Variants in ADGRV1 observed in about 807,000 individuals in gnomAD.
ADGRV1 encodes the protein adhesion G protein-coupled receptor V1, also known as G-protein coupled receptor 98.
In ADGRV1, 359 loss-of-function variants were observed where a neutral mutation model predicts 596.2. The ratio of observed to expected loss-of-function variants is 0.60; its 90% CI spans 0.55 to 0.66. The LOEUF is 0.66. Ranked by LOEUF, ADGRV1 falls within the 30% of genes least tolerant of loss-of-function variation. The probability of loss-of-function intolerance (pLI) is 0.00; values close to 1 mark genes in which losing one functional copy is unlikely to be tolerated. For missense variants in ADGRV1, 7,274 were observed against 7,575.6 expected (o/e 0.96, Z 1.48); for synonymous variants, 2,681 against 2,679.2 (o/e 1.00, Z -0.02).
intron 73 of ADGRV1, among the ~76,000 whole-genome samples, chr5:90,808,986 G>T (rs186286818): frequency 6.9e-6 from 1 of 144,680 alleles, no homozygotes; most frequent in Non-Finnish European, 1.5e-5. Context: ...TCGCTCTTTC[G>T]CCCAGGCCGG....
intron 4 of ADGRV1, among the ~76,000 whole-genome samples, chr5:90,620,052 A>C (rs997034013): frequency 6.6e-6 from 1 of 151,898 alleles, no homozygotes; most frequent in Non-Finnish European, 1.5e-5. Flanking sequence ...ATAGTGCCGC[A>C]ATAAAAATAC....
chr5:90,852,561 A>G (rs1292622644), intron 79 of ADGRV1, among the ~76,000 whole-genome samples: 1 of 152,156 alleles, frequency 6.6e-6, no homozygotes, highest in African/African-American at 2.4e-5. Context: ...ATAAATTCCT[A>G]GAACCCCTAA....
chr5:90,671,972 T>C (rs951419851), intron 21 of ADGRV1, among the ~76,000 whole-genome samples: 1 of 152,208 alleles, frequency 6.6e-6, no homozygotes, highest in Non-Finnish European at 1.5e-5. Context: ...TTGATCTGAC[T>C]GTTGTTCCCA....
At chr5:90,874,768 G>A (rs373812825) in intron 83 of ADGRV1, among the ~76,000 whole-genome samples, 2 of 151,924 alleles carry the variant, frequency 1.3e-5, no homozygotes, top group South Asian at 2.1e-4. Flanking sequence ...TGAGGCAGGC[G>A]AATGGCGTGA....
At chr5:91,149,831 C>CAAAAAAAAAAAAAAAAA (rs59523008) in intron 87 of ADGRV1, among the ~76,000 whole-genome samples, 199 bp from the exon 88 acceptor site, 1 of 85,922 alleles carries the variant, frequency 1.2e-5, no homozygotes, top group African/African-American at 5.2e-5. Context: ...AACTCCAGCT[C>CAAAAAAAAAAAAAAAAA]AAAAAAAAAA....
At chr5:90,841,953 A>C (rs1005935758) in intron 78 of ADGRV1, among the ~76,000 whole-genome samples, 2 of 152,214 alleles carry the variant, frequency 1.3e-5, no homozygotes, top group Non-Finnish European at 1.5e-5. Context: ...TTGCTATTTC[A>C]TGCAGAGAAA....
intron 21 of ADGRV1, among the ~76,000 whole-genome samples, chr5:90,660,202 A>G (rs904334765): frequency 6.6e-6 from 1 of 152,134 alleles, no homozygotes; most frequent in Admixed American, 6.5e-5. Flanking sequence ...CTCATAAAAT[A>G]TGTTGTTTAT....
intron 50 of ADGRV1, among the ~76,000 whole-genome samples, chr5:90,737,087 T>C (rs1262876466): frequency 6.6e-6 from 1 of 151,926 alleles, no homozygotes; most frequent in East Asian, 1.9e-4. Context: ...TACAGGCGTT[T>C]ATTGCTGTAA....
chr5:91,014,390 A>G (rs1783007123), intron 85 of ADGRV1, among the ~76,000 whole-genome samples: 1 of 152,094 alleles, frequency 6.6e-6, no homozygotes, highest in South Asian at 2.1e-4. Context: ...CTGGCCTCAT[A>G]GCATGAGTTG....
chr5:90,816,267 A>C (rs369996639), intron 75 of ADGRV1, among the ~76,000 whole-genome samples: 18 of 152,084 alleles, frequency 1.2e-4, no homozygotes, highest in African/African-American at 4.3e-4. Context: ...ATCCTTTTTA[A>C]AAGAGAAATG....
chr5:90,854,618 G>A (rs1766850024), intron 81 of ADGRV1, among the ~76,000 whole-genome samples: 1 of 152,150 alleles, frequency 6.6e-6, no homozygotes, highest in Non-Finnish European at 1.5e-5. Context: ...AGTCCACATG[G>A]CTTGAAGTAC....
At chr5:90,726,961 C>G (rs1475421951) in intron 48 of ADGRV1, among the ~76,000 whole-genome samples, 1 of 152,090 alleles carries the variant, frequency 6.6e-6, no homozygotes, top group Admixed American at 6.5e-5. Flanking sequence ...TTAACATATC[C>G]CAAACTGAAC....
At chr5:90,726,735 G>A in intron 48 of ADGRV1, among the ~76,000 whole-genome samples, 1 of 151,788 alleles carries the variant, frequency 6.6e-6, no homozygotes, top group East Asian at 1.9e-4. Flanking sequence ...AAACTTAGAT[G>A]TCTTGGAGTT....
At chr5:90,911,548 A>G (rs1018486753) in intron 83 of ADGRV1, among the ~76,000 whole-genome samples, 8 of 152,226 alleles carry the variant, frequency 5.3e-5, no homozygotes, top group African/African-American at 1.7e-4. Context: ...TGAAAGGAAA[A>G]TAAAGTTTAT....
At chr5:91,060,398 A>ATATTT (rs796332430) in intron 85 of ADGRV1, among the ~76,000 whole-genome samples, 14 of 60,526 alleles carry the variant, frequency 2.3e-4, no homozygotes, top group African/African-American at 6.1e-4. Flanking sequence ...ATATATATAT[A>ATATTT]TTTTTTTTTT....
intron 87 of ADGRV1, among the ~76,000 whole-genome samples, chr5:91,143,233 A>C (rs1359259985): frequency 2.0e-5 from 3 of 151,862 alleles, no homozygotes; most frequent in African/African-American, 7.3e-5. Context: ...GGCTTGGGGC[A>C]CTCCTAGGTC....
chr5:90,558,879 C>T lies in ADGRV1; in HGVS notation c.-17C>T. The stretch of plus-strand genomic sequence containing the variant: ...AGGGTGTGTGGAGGGCCGGCGGGGA[C>T]CGCCGGGAGCGCGCGGATGTCGGTG... On this transcript the variant is annotated 5_prime_UTR_variant, in exon 1 of 90. Transcript: ENST00000405460. The T allele has an allele frequency of 6.4e-7, 1 of 1,559,678 alleles. No individual in the cohort carries two copies. Among genetic ancestry groups the T allele is most frequent in the South Asian group, 1.2e-5 (1 of 84,986 alleles).
intron 83 of ADGRV1, among the ~76,000 whole-genome samples, chr5:90,926,018 G>T (rs982207807): frequency 7.6e-5 from 10 of 130,732 alleles, no homozygotes; most frequent in African/African-American, 2.9e-4. Context: ...TTGATGTGCT[G>T]CTGGATTCGT....
Position 90,905,592 on chromosome 5 carries a change from A to G in ADGRV1, c.17856+41735A>G, listed in dbSNP as rs116264885. Among the ~76,000 whole-genome samples the G allele has an allele frequency of 7.8e-3, 1,187 of 152,140 alleles. 13 individuals are homozygous for G. Among genetic ancestry groups the G allele is most frequent in the African/African-American group, 0.027 (1,132 of 41,546 alleles). Reference sequence around the variant, plus strand: ...TTGTATGATGATTTTGTACCCTTCAACTTCACTGAATTTGTTTATCAGTTC... The same window carrying G: ...TTGTATGATGATTTTGTACCCTTCAGCTTCACTGAATTTGTTTATCAGTTC... On this transcript the variant is annotated intron_variant, in intron 83 of 89. Transcript: ENST00000405460.
Sources: allele counts gnomAD v4.1 joint callset (sites outside exome capture counted in the v4.1 genomes callset), GRCh38; gene constraint gnomAD v4.1.1; transcripts MANE v1.5; gene names NCBI Gene and HGNC (gene_info 2026-07-23, HGNC 2026-07-21).